SERPINB9: variants seen among roughly 807,000 people sequenced by gnomAD.
The protein encoded by SERPINB9 is serpin B9.
In SERPINB9, 20 loss-of-function variants were observed where a neutral mutation model predicts 27.2. That is an observed-to-expected ratio of 0.74 (90% CI 0.52 to 1.07). SERPINB9 has a LOEUF of 1.07. SERPINB9 is among the 50% of genes least tolerant of loss of function. The pLI, the probability that SERPINB9 is intolerant of heterozygous loss-of-function variation, is 0.00. For missense variants in SERPINB9, 476 were observed against 460.1 expected (o/e 1.03, Z -0.32); for synonymous variants, 189 against 180.0 (o/e 1.05, Z -0.40).
chr6:2,897,299 C>G (rs1218481475), intron 2 of SERPINB9, among the ~76,000 whole-genome samples: 2 of 152,114 alleles, frequency 1.3e-5, no homozygotes, highest in Non-Finnish European at 2.9e-5. Flanking sequence ...AATCCTGTCT[C>G]TACTAAAAAT....
At chr6:2,898,983 C>A (rs1259891474) in intron 2 of SERPINB9, among the ~76,000 whole-genome samples, 3 of 151,928 alleles carry the variant, frequency 2.0e-5, no homozygotes, top group Non-Finnish European at 2.9e-5. Context: ...ATAAATAATT[C>A]TTTAAAATAT....
chr6:2,893,440 T>C lies in SERPINB9; in HGVS notation c.538A>G (p.Thr180Ala), dbSNP rs768841870. The C allele has an allele frequency of 6.2e-7, 1 of 1,613,200 alleles. No individual in the cohort carries two copies. Among genetic ancestry groups the C allele is most frequent in the South Asian group, 1.1e-5 (1 of 90,962 alleles). The change falls in exon 5 of 7, where the codon ACA (threonine) becomes GCA (alanine). Residue 180 changes from threonine to alanine, a missense_variant. Thr to Ala is a moderately conservative substitution (Grantham distance 58). Transcript: ENST00000380698. ...KWNEPFDETY[T>A]REMPFKINQE... ...TTTATTTTAAAGGGCATTTCCCTTG[T>C]GTATGTTTCGTCAAACGGTTCATTC...
chr6:2,897,909 A>G (rs1234570918), intron 2 of SERPINB9, among the ~76,000 whole-genome samples: 1 of 152,220 alleles, frequency 6.6e-6, no homozygotes, highest in African/African-American at 2.4e-5. Flanking sequence ...ATGCCAGTCA[A>G]AAATATGAAT....
At position 2,890,635 on chromosome 6, in the gene SERPINB9, T is replaced by C. The variant is rs1194994202; in HGVS notation, c.724-65A>G. 21 of 1,463,854 alleles carry C rather than the reference T, an allele frequency of 1.4e-5. No homozygotes were observed. The highest frequency in any genetic ancestry group is 4.2e-5 in the African/African-American group (3 of 71,214). The allele number at this position is 1,463,854 out of a possible 1,614,324, so 90.7% of individuals were successfully genotyped here. The stretch of plus-strand genomic sequence containing the variant: ...TGCACATGTACAAGCGCACAGGCAC[T>C]CACAGTTCCCTTCCTCCCCTTGCAC... On this transcript the variant is annotated intron_variant, in intron 6 of 6. Coordinates refer to ENST00000380698, the MANE Select transcript of SERPINB9 (RefSeq NM_004155.6). The surrounding 1 kb of genome is among the most constrained non-coding windows in gnomAD (Gnocchi z 6.2).
intron 1 of SERPINB9, among the ~76,000 whole-genome samples, chr6:2,901,423 G>A (rs1768198168): frequency 6.6e-6 from 1 of 152,224 alleles, no homozygotes; most frequent in South Asian, 2.1e-4. Context: ...ATTACTCCCA[G>A]CAAAAGCCAT....
Position 2,900,629 on chromosome 6 carries a change from G to A in SERPINB9, c.-10-8C>T, listed in dbSNP as rs746085536. ...GTTTCCATGATGCAGGGCCTGGAAG[G>A]GAAGAATAAAGAGAAATGCAGTTTC... On this transcript the variant is annotated splice_region_variant and splice_polypyrimidine_tract_variant and intron_variant, in intron 1 of 6. Transcript: ENST00000380698. 7 of 1,612,386 alleles carry A rather than the reference G, an allele frequency of 4.3e-6. No homozygotes were observed. The highest frequency in any genetic ancestry group is 5.1e-6 in the Non-Finnish European group (6 of 1,178,838).
Position 2,889,864 on chromosome 6 carries a change from C to T in SERPINB9, c.*299G>A, listed in dbSNP as rs187023137. ...TCGCAGTGTCAGGAAAGCACAGGGT[C>T]GCCAGAGTGAATTGCATGTGGAATT... On this transcript the variant is annotated 3_prime_UTR_variant, in exon 7 of 7. Coordinates refer to ENST00000380698, the MANE Select transcript of SERPINB9 (RefSeq NM_004155.6). 421 of 308,576 alleles carry T rather than the reference C, an allele frequency of 1.4e-3. 1 individual carries two copies. Among genetic ancestry groups the T allele is most frequent in the African/African-American group, 7.0e-3 (339 of 48,472 alleles). 19.1% of individuals were successfully genotyped at this position (308,576 alleles called of 1,614,324 possible).
Position 2,891,671 on chromosome 6 carries a change from GAA to G in SERPINB9, c.723+160_723+161del, listed in dbSNP as rs1409397185. Among the ~76,000 whole-genome samples, 1 of 152,178 alleles carries G rather than the reference GAA, an allele frequency of 6.6e-6. No homozygotes were observed. The highest frequency in any genetic ancestry group is 2.4e-5 in the African/African-American group (1 of 41,432). ...TGGCAGATCACGCAGACAATATTGG[GAA>G]AAGTCAGCCTTGAACAAAAGTTCGA... On this transcript the variant is annotated intron_variant, in intron 6 of 6. Coordinates refer to ENST00000380698, the MANE Select transcript of SERPINB9 (RefSeq NM_004155.6). This position sits in a 1 kb window ranked among gnomAD's most constrained non-coding sequence, Gnocchi z 4.0.
At chr6:2,900,106 CA>C (rs34099941) in intron 2 of SERPINB9, 3 of 372,266 alleles carry the variant, frequency 8.1e-6, no homozygotes, top group Non-Finnish European at 1.0e-5. Context: ...TCTCTTGCTC[CA>C]AAAAAGAGGT....
intron 4 of SERPINB9, 64 bp from the exon 5 acceptor site, chr6:2,893,617 C>G: frequency 1.4e-6 from 2 of 1,397,838 alleles, no homozygotes; most frequent in Non-Finnish European, 2.0e-6. Flanking sequence ...ATTGGATGAT[C>G]CTGGATCATT....
In SERPINB9 at chr6:2,890,251, C is replaced by A; in HGVS notation, c.1043G>T (p.Arg348Met). 1.2e-6 allele frequency: 2 copies of A among 1,614,212 alleles called. No homozygotes were observed. Among genetic ancestry groups the A allele is most frequent in the Non-Finnish European group, 1.7e-6 (2 of 1,180,034 alleles). ...AAGGAAAGGGTGGTCAGCACAGAAC[C>A]TGGGGCCAGATTCCATGCAGCACTC... ...VAECCMESGP[R>M]FCADHPFLFF... The change falls in exon 7 of 7, where the codon AGG becomes ATG. Residue 348 changes from arginine (R) to methionine (M), a missense_variant. Physicochemically the swap from Arg to Met is moderately conservative, Grantham distance 91. Transcript: ENST00000380698. The surrounding 1 kb of genome is among the most constrained non-coding windows in gnomAD (Gnocchi z 6.2).
rs1767852921 is a variant in SERPINB9 at position 2,892,749 on chromosome 6, G to A, written c.567+662C>T. Among the ~76,000 whole-genome samples the A allele has an allele frequency of 1.3e-5, 2 of 151,928 alleles. 1 individual carries two copies. Among genetic ancestry groups the A allele is most frequent in the African/African-American group, 4.8e-5 (2 of 41,336 alleles). ...GTACACCTTACAAAAAATGCAGGAG[G>A]GTTACCTGCTTTTGTTTTTTAATTA... On this transcript the variant is annotated intron_variant, in intron 5 of 6. Transcript: ENST00000380698.
In SERPINB9 at chr6:2,889,266, C is replaced by G. The variant is rs1002657198; in HGVS notation, c.*897G>C. The G allele has an allele frequency of 2.0e-5, 3 of 152,182 alleles. No individual in the cohort carries two copies. Among genetic ancestry groups the G allele is most frequent in the Non-Finnish European group, 4.4e-5 (3 of 68,048 alleles). The allele number at this position is 152,182 out of a possible 1,614,324, so 9.4% of individuals were successfully genotyped here. On this transcript the variant is annotated 3_prime_UTR_variant, in exon 7 of 7. Transcript: ENST00000380698. ...TTAAACAGTCCAACCTGGTCATTGT[C>G]AAAACTATATACGTTGGGCACAGAA...
intron 1 of SERPINB9, among the ~76,000 whole-genome samples, chr6:2,901,970 G>A (rs1768219430): frequency 6.6e-6 from 1 of 152,064 alleles, no homozygotes; most frequent in Non-Finnish European, 1.5e-5. Context: ...ACCTCAGAAA[G>A]CGGTGTCTTA....
At chr6:2,893,053 C>CGTTTTT (rs542385110) in intron 5 of SERPINB9, among the ~76,000 whole-genome samples, 6 of 113,536 alleles carry the variant, frequency 5.3e-5, no homozygotes, top group Non-Finnish European at 7.3e-5. Flanking sequence ...TACCTTAACA[C>CGTTTTT]TTTTTTTTTT....
chr6:2,895,563 A>G, intron 3 of SERPINB9, 55 bp from the exon 4 acceptor site: 1 of 1,091,664 alleles, frequency 9.2e-7, no homozygotes, highest in Middle Eastern at 2.0e-4. Context: ...AATGTCAGCA[A>G]ACTTCCAAAA....
chr6:2,893,947 A>G (rs1382036753), intron 4 of SERPINB9, among the ~76,000 whole-genome samples: 1 of 152,092 alleles, frequency 6.6e-6, no homozygotes, highest in Non-Finnish European at 1.5e-5. Flanking sequence ...ATACATGGAC[A>G]TGTCAGAAGC....
chr6:2,902,023 C>A (rs1217619514), intron 1 of SERPINB9, among the ~76,000 whole-genome samples: 1 of 152,140 alleles, frequency 6.6e-6, no homozygotes, highest in Non-Finnish European at 1.5e-5. Flanking sequence ...GGCCCTTAGG[C>A]CCCTCAAAGG....
Position 2,891,332 on chromosome 6 carries a change from T to G in SERPINB9, c.723+501A>C, listed in dbSNP as rs984874672. ...AGTTAAGACTTCCTCATTCTCTATT[T>G]CAGGTTCCTAGACTTTAAAAGCATA... On this transcript the variant is annotated intron_variant, in intron 6 of 6. Coordinates refer to ENST00000380698, the MANE Select transcript of SERPINB9 (RefSeq NM_004155.6). The surrounding 1 kb of genome is among the most constrained non-coding windows in gnomAD (Gnocchi z 4.0). 6.6e-6 allele frequency among the ~76,000 whole-genome samples: 1 copy of G among 152,204 alleles called. No homozygotes were observed. The highest frequency in any genetic ancestry group is 1.5e-5 in the Non-Finnish European group (1 of 68,042).
Sources: allele counts gnomAD v4.1 joint callset (sites outside exome capture counted in the v4.1 genomes callset), GRCh38; gene constraint gnomAD v4.1.1; non-coding constraint Gnocchi (gnomAD v3.1); transcripts MANE v1.5; gene names NCBI Gene and HGNC (gene_info 2026-07-23, HGNC 2026-07-21).